COX20: variants seen among roughly 807,000 people sequenced by gnomAD.
COX20 encodes cytochrome c oxidase assembly factor COX20.
In COX20, 14 loss-of-function variants were observed where a neutral mutation model predicts 14.3. The observed-to-expected ratio is 0.98, with a 90% CI of 0.65 to 1.53. The LOEUF (loss-of-function observed/expected upper bound fraction) is 1.53. Among genes scored for constraint, COX20 ranks in the 40% most tolerant of loss-of-function variants. The pLI, the probability that COX20 is intolerant of heterozygous loss-of-function variation, is 0.00. For synonymous variants in COX20, 56 were observed against 51.7 expected (o/e 1.08, Z -0.36); for missense variants, 149 against 142.1 (o/e 1.05, Z -0.25).
chr1:244,845,059 T>TA (rs1208448680), downstream of COX20: 1 of 166,046 alleles, frequency 6.0e-6, no homozygotes, highest in Non-Finnish European at 1.5e-5. Flanking sequence ...TAAATGTAAT[T>TA]ATTATACTGT....
chr1:244,840,882 G>C (rs2102973902), intron 1 of COX20: 1 of 152,168 alleles, frequency 6.6e-6, no homozygotes, highest in East Asian at 1.9e-4. Context: ...TTAATGTCCT[G>C]CCCCAAACAA....
At chr1:244,837,221 G>A (rs1453899255) in intron 1 of COX20, among the ~76,000 whole-genome samples, 1 of 152,112 alleles carries the variant, frequency 6.6e-6, no homozygotes, top group African/African-American at 2.4e-5. Context: ...CTCAAACCGA[G>A]CACAGTCAGA....
Position 244,843,025 on chromosome 1 carries a change from ATTCTT to A in COX20, c.222-10_222-6del, listed in dbSNP as rs745397579. The A allele has an allele frequency of 7.3e-6, 11 of 1,506,608 alleles. No individual in the cohort carries two copies. The highest frequency in any genetic ancestry group is 1.2e-5 in the South Asian group (1 of 80,210). The allele number at this position is 1,506,608 out of a possible 1,614,324, so 93.3% of individuals were successfully genotyped here. On this transcript the variant is annotated splice_polypyrimidine_tract_variant and intron_variant, in intron 3 of 3. Coordinates refer to ENST00000411948, the MANE Select transcript of COX20 (RefSeq NM_198076.6). ...GACTTTATATTAACAATTTATTCATATTCTTTTCTTCTAAGGTTTCATTGTAGGTA... is the reference window on the plus strand; with the variant it reads ...GACTTTATATTAACAATTTATTCATATTCTTCTAAGGTTTCATTGTAGGTA...
intron 1 of COX20, among the ~76,000 whole-genome samples, chr1:244,838,816 GTCT>G (rs1362924209): frequency 6.6e-6 from 1 of 152,072 alleles, no homozygotes; most frequent in Non-Finnish European, 1.5e-5. Flanking sequence ...TTGAGATGGA[GTCT>G]TCTTGCTCTG....
chr1:244,841,830 C>G (rs1346819656), intron 1 of COX20, 114 bp from the exon 2 acceptor site: 1 of 646,050 alleles, frequency 1.5e-6, no homozygotes, highest in Non-Finnish European at 2.7e-6. Context: ...GTGGCACATA[C>G]TCTAGTTTAA....
At chr1:244,837,973 AG>A (rs1231846551) in intron 1 of COX20, among the ~76,000 whole-genome samples, 1 of 152,232 alleles carries the variant, frequency 6.6e-6, no homozygotes, top group Non-Finnish European at 1.5e-5. Context: ...AAGATCTGAA[AG>A]GTACTGTTGA....
chr1:244,842,290 G>A (rs1368481330), intron 3 of COX20, 32 bp downstream of exon 3: 4 of 1,429,660 alleles, frequency 2.8e-6, no homozygotes, highest in Non-Finnish European at 4.0e-6. Context: ...GAACATCCAT[G>A]ATTATAGTAG....
At chr1:244,842,982 ATAAAT>A (rs1680267985) in intron 3 of COX20, 54 bp from the exon 4 acceptor site, 1 of 1,268,692 alleles carries the variant, frequency 7.9e-7, no homozygotes, top group Non-Finnish European at 1.1e-6. Flanking sequence ...GAGAAATTTC[ATAAAT>A]TAATTTCTGT....
At chr1:244,842,822 G>A (rs1340681487) in intron 3 of COX20, 3 of 382,496 alleles carry the variant, frequency 7.8e-6, no homozygotes, top group East Asian at 5.1e-5. Context: ...TTTACAAATT[G>A]TTATGTAGAC....
chr1:244,842,641 T>C, intron 3 of COX20: 1 of 250,754 alleles, frequency 4.0e-6, no homozygotes, highest in Non-Finnish European at 7.7e-6. Flanking sequence ...ATGATATGTA[T>C]GTACTATATG....
chr1:244,837,076 G>C (rs774804447), intron 1 of COX20, among the ~76,000 whole-genome samples: 1 of 151,520 alleles, frequency 6.6e-6, no homozygotes, highest in African/African-American at 2.4e-5. Flanking sequence ...GTTTTTAAAG[G>C]TCATAAAGGT....
Position 244,844,002 on chromosome 1 carries a change from ATACTT to A in COX20, c.*829_*833del, listed in dbSNP as rs950630953. The A allele has an allele frequency of 5.3e-5, 8 of 152,232 alleles. No individual in the cohort carries two copies. The highest frequency in any genetic ancestry group is 3.9e-4 in the Admixed American group (6 of 15,278). The allele number at this position is 152,232 out of a possible 1,614,324, so 9.4% of individuals were successfully genotyped here. A position where few individuals can be genotyped will look rare whatever the true frequency, so the allele number is the denominator to read the frequency against. On this transcript the variant is annotated 3_prime_UTR_variant, in exon 4 of 4. Coordinates refer to ENST00000411948, the MANE Select transcript of COX20 (RefSeq NM_198076.6). ...GTTATTTCTGGTTTTAATTCATACA[ATACTT>A]TAAGAAAATCTGTTAAATATAACAA...
intron 1 of COX20, 122 bp downstream of exon 1, chr1:244,835,878 A>G (rs1381620771): frequency 1.4e-4 from 99 of 691,506 alleles, no homozygotes; most frequent in Non-Finnish European, 1.9e-4. Context: ...GCTTGAAACT[A>G]TTTTAACTGT....
chr1:244,842,301 G>C (rs771393664), intron 3 of COX20, 43 bp downstream of exon 3: 1 of 1,334,910 alleles, frequency 7.5e-7, no homozygotes, highest in South Asian at 1.2e-5. Context: ...ATTATAGTAG[G>C]TTATCTAATT....
chr1:244,842,882 C>T, intron 3 of COX20, 159 bp from the exon 4 acceptor site: 2 of 530,140 alleles, frequency 3.8e-6, no homozygotes, highest in Non-Finnish European at 6.5e-6. Flanking sequence ...TATTCTGACA[C>T]CAAAACTGCC....
At position 244,843,429 on chromosome 1, in the gene COX20, G is replaced by A. The variant is rs1002437411; in HGVS notation, c.*253G>A. On this transcript the variant is annotated 3_prime_UTR_variant, in exon 4 of 4. Coordinates refer to ENST00000411948, the MANE Select transcript of COX20 (RefSeq NM_198076.6). Reference sequence around the variant, plus strand: ...CAGAATTTATTGGCAGTGTGGCAAAGAATTATAAAACATAGTGTTTAATGT... The same window carrying A: ...CAGAATTTATTGGCAGTGTGGCAAAAAATTATAAAACATAGTGTTTAATGT... 1.7e-5 allele frequency: 7 copies of A among 421,684 alleles called. No homozygotes were observed. The South Asian group carries it at 1.9e-4, about 11-fold the overall frequency. 26.1% of individuals were successfully genotyped at this position (421,684 alleles called of 1,614,324 possible). A position where few individuals can be genotyped will look rare whatever the true frequency, so the allele number is the denominator to read the frequency against.
At chr1:244,842,433 T>C in intron 3 of COX20, 175 bp downstream of exon 3, 1 of 585,130 alleles carries the variant, frequency 1.7e-6, no homozygotes, top group Non-Finnish European at 3.1e-6. Flanking sequence ...GATAAATGCA[T>C]ATTAGACATC....
At chr1:244,839,462 C>CTGTTAGTGGCAAAGA (rs1326202203) in intron 1 of COX20, among the ~76,000 whole-genome samples, 1 of 151,254 alleles carries the variant, frequency 6.6e-6, no homozygotes, top group East Asian at 2.2e-4. Flanking sequence ...TAAGGGTTCC[C>CTGTTAGTGGCAAAGA]GTTTGTTAGT....
chr1:244,842,036 C>T lies in COX20; in HGVS notation c.135C>T (p.Gly45=), dbSNP rs758546934. The T allele has an allele frequency of 1.9e-6, 3 of 1,608,842 alleles. No individual in the cohort carries two copies. The highest frequency in any genetic ancestry group is 3.3e-5 in the Admixed American group (2 of 59,856). Residue 45 remains glycine, a synonymous_variant, in exon 2 of 4, where the codon GGC becomes GGT. Coordinates refer to ENST00000411948, the MANE Select transcript of COX20 (RefSeq NM_198076.6). ...LYGSLGSVVA[G]FGHFLFTSRI... ...GTTCATTAGGATCTGTTGTGGCTGGCTTTGGACATTTTTTGTTCACTAGTG... is the reference window on the plus strand; with the variant it reads ...GTTCATTAGGATCTGTTGTGGCTGGTTTTGGACATTTTTTGTTCACTAGTG...
Sources: allele counts gnomAD v4.1 joint callset (sites outside exome capture counted in the v4.1 genomes callset), GRCh38; gene constraint gnomAD v4.1.1; transcripts MANE v1.5; gene names NCBI Gene and HGNC (gene_info 2026-07-23, HGNC 2026-07-21).